Variants in ERBB4 observed in about 807,000 individuals in gnomAD.
The protein encoded by ERBB4 is erb-b2 receptor tyrosine kinase 4, also known as receptor tyrosine-protein kinase erbB-4.
In ERBB4, 42 loss-of-function variants were observed where a neutral mutation model predicts 158.0. That is an observed-to-expected ratio of 0.27 (90% CI 0.21 to 0.34). The LOEUF is 0.34. Among genes scored for constraint, ERBB4 ranks in the 10% least tolerant of loss-of-function variants. The pLI is 1.00. For synonymous variants in ERBB4, 583 were observed against 558.7 expected (o/e 1.04, Z -0.61); for missense variants, 1,333 against 1,624.1 (o/e 0.82, Z 3.08).
At chr2:211,712,246 A>G in intron 8 of ERBB4, 70 bp from the exon 9 acceptor site, 1 of 1,420,458 alleles carries the variant, frequency 7.0e-7, no homozygotes, top group Non-Finnish European at 9.9e-7. Context: ...TTGCATCTTC[A>G]TTATAAAATA....
intron 20 of ERBB4, among the ~76,000 whole-genome samples, chr2:211,528,050 T>C (rs1293669424): frequency 6.6e-6 from 1 of 151,940 alleles, no homozygotes; most frequent in South Asian, 2.1e-4. Context: ...AACTCTCCAA[T>C]CAAAAGACAG....
chr2:212,516,550 C>T (rs766869958), intron 1 of ERBB4, among the ~76,000 whole-genome samples: 3 of 152,012 alleles, frequency 2.0e-5, no homozygotes, highest in Non-Finnish European at 4.4e-5. Context: ...AAGAGCTCTT[C>T]CAGCAAACAG....
chr2:212,504,727 G>GT, intron 1 of ERBB4, among the ~76,000 whole-genome samples: 1 of 152,126 alleles, frequency 6.6e-6, no homozygotes, highest in African/African-American at 2.4e-5. Context: ...AAATATATTA[G>GT]TTTTTTATGT....
intron 1 of ERBB4, among the ~76,000 whole-genome samples, chr2:212,438,708 T>C (rs974572953): frequency 6.6e-6 from 1 of 152,156 alleles, no homozygotes; most frequent in Non-Finnish European, 1.5e-5. Context: ...AGCTTCCCGT[T>C]AATCTGTATA....
chr2:212,077,756 CAT>C (rs1301086379), intron 2 of ERBB4, among the ~76,000 whole-genome samples: 1 of 151,998 alleles, frequency 6.6e-6, no homozygotes, highest in African/African-American at 2.4e-5. Context: ...GCTTATTGCA[CAT>C]TTCTGTGTTT....
chr2:212,439,383 C>T (rs2092205428), intron 1 of ERBB4, among the ~76,000 whole-genome samples: 4 of 152,074 alleles, frequency 2.6e-5, no homozygotes, highest in Admixed American at 2.6e-4. Context: ...ATTATGAAGA[C>T]TTGATCTTTA....
intron 1 of ERBB4, among the ~76,000 whole-genome samples, chr2:212,399,292 A>T (rs1349658899): frequency 6.6e-6 from 1 of 151,874 alleles, no homozygotes; most frequent in Non-Finnish European, 1.5e-5. Flanking sequence ...TTATTTACCA[A>T]TCCTACCTAT....
intron 1 of ERBB4, among the ~76,000 whole-genome samples, chr2:212,403,792 T>C (rs2091273128): frequency 6.6e-6 from 1 of 152,004 alleles, no homozygotes; most frequent in South Asian, 2.1e-4. Context: ...GATGAATAAA[T>C]TCTAAAGTTA....
chr2:212,393,226 TA>T (rs2090929710), intron 1 of ERBB4, among the ~76,000 whole-genome samples: 1 of 152,080 alleles, frequency 6.6e-6, no homozygotes, highest in Non-Finnish European at 1.5e-5. Flanking sequence ...ATCTGTTTTA[TA>T]AAAGTTCCAA....
Position 212,391,806 on chromosome 2 carries a change from G to C in ERBB4, c.82+146643C>G, listed in dbSNP as rs188928888. On this transcript the variant is annotated intron_variant, in intron 1 of 27. Coordinates refer to ENST00000342788, the MANE Select transcript of ERBB4 (RefSeq NM_005235.3). The stretch of plus-strand genomic sequence containing the variant: ...ATATTATATTGACATATAATATTAT[G>C]TGGGATTATATATAAAAGAAGTTAT... Among the ~76,000 whole-genome samples, 220 of 138,218 alleles carry C rather than the reference G, an allele frequency of 1.6e-3. 1 individual carries two copies. The highest frequency in any genetic ancestry group is 6.4e-3 in the African/African-American group (217 of 34,006). 90.7% of individuals were successfully genotyped at this position (138,218 alleles called of 152,430 possible).
At chr2:212,131,540 C>T (rs551726371) in intron 1 of ERBB4, among the ~76,000 whole-genome samples, 4 of 152,240 alleles carry the variant, frequency 2.6e-5, no homozygotes, top group African/African-American at 7.2e-5. Context: ...AAGTGACTGC[C>T]GTGCAGCCAC....
intron 4 of ERBB4, among the ~76,000 whole-genome samples, chr2:211,775,467 T>A (rs761329059): frequency 6.6e-6 from 1 of 152,202 alleles, no homozygotes; most frequent in Admixed American, 6.5e-5. Flanking sequence ...AAGTAAATGG[T>A]TTGATTAAGA....
Position 211,377,700 on chromosome 2 carries a change from A to T in ERBB4, c.*5915T>A, listed in dbSNP as rs1382389066. The stretch of plus-strand genomic sequence containing the variant: ...ATTAGGAACCAAATAAGATGAATAA[A>T]GCAAATAAGTTAATTTACTGGCAAA... On this transcript the variant is annotated 3_prime_UTR_variant, in exon 28 of 28. Coordinates refer to ENST00000342788, the MANE Select transcript of ERBB4 (RefSeq NM_005235.3). 4.3e-6 allele frequency: 1 copy of T among 232,386 alleles called. No homozygotes were observed. Among genetic ancestry groups the T allele is most frequent in the African/African-American group, 2.2e-5 (1 of 45,308 alleles). 14.4% of individuals were successfully genotyped at this position (232,386 alleles called of 1,614,324 possible).
At chr2:211,531,504 G>A (rs894431528) in intron 20 of ERBB4, among the ~76,000 whole-genome samples, 4 of 152,094 alleles carry the variant, frequency 2.6e-5, no homozygotes, top group Non-Finnish European at 5.9e-5. Flanking sequence ...CAATAGATCT[G>A]AACAGACATT....
chr2:212,436,294 C>T (rs2092135706), intron 1 of ERBB4, among the ~76,000 whole-genome samples: 1 of 151,844 alleles, frequency 6.6e-6, no homozygotes. Flanking sequence ...CTATAGATCA[C>T]ATATTAAAAG....
At chr2:211,651,342 A>T (rs949540030) in intron 16 of ERBB4, among the ~76,000 whole-genome samples, 10 of 152,196 alleles carry the variant, frequency 6.6e-5, no homozygotes, top group African/African-American at 1.7e-4. Flanking sequence ...AGTTTCCTTC[A>T]GGACAAGAAA....
chr2:212,357,800 A>G (rs1167243603), intron 1 of ERBB4, among the ~76,000 whole-genome samples: 1 of 151,882 alleles, frequency 6.6e-6, no homozygotes, highest in Non-Finnish European at 1.5e-5. Flanking sequence ...TTACACTGCA[A>G]GAATATAGTA....
At chr2:211,591,990 C>T (rs1167192346) in intron 19 of ERBB4, among the ~76,000 whole-genome samples, 1 of 152,182 alleles carries the variant, frequency 6.6e-6, no homozygotes, top group Non-Finnish European at 1.5e-5. Context: ...ACAGCTAACG[C>T]TCAAAATTCT....
chr2:211,539,959 A>G (rs1429218792), intron 20 of ERBB4, among the ~76,000 whole-genome samples: 1 of 151,898 alleles, frequency 6.6e-6, no homozygotes, highest in Non-Finnish European at 1.5e-5. Flanking sequence ...GATAATGCCA[A>G]TCTTTATCAT....
Sources: allele counts gnomAD v4.1 joint callset (sites outside exome capture counted in the v4.1 genomes callset), GRCh38; gene constraint gnomAD v4.1.1; transcripts MANE v1.5; gene names NCBI Gene and HGNC (gene_info 2026-07-23, HGNC 2026-07-21).